ARL6IP6: variants seen among roughly 807,000 people sequenced by gnomAD.
The protein encoded by ARL6IP6 is ARF like GTPase 6 interacting protein 6.
Under a neutral mutation model 21.5 loss-of-function variants are expected in ARL6IP6, and 22 were observed. The observed-to-expected ratio is 1.02, with a 90% CI of 0.73 to 1.46. The LOEUF (loss-of-function observed/expected upper bound fraction) is 1.46, where lower values mean the gene tolerates loss of function less well. Among genes scored for constraint, ARL6IP6 ranks in the 40% most tolerant of loss-of-function variants. ARL6IP6 has a pLI of 0.00. For missense variants in ARL6IP6, 388 were observed against 299.8 expected (o/e 1.29, Z -2.17); for synonymous variants, 164 against 125.3 (o/e 1.31, Z -2.06).
At chr2:152,753,232 G>A (rs1406993130) in intron 3 of ARL6IP6, among the ~76,000 whole-genome samples, 3 of 152,120 alleles carry the variant, frequency 2.0e-5, no homozygotes, top group Non-Finnish European at 2.9e-5. Context: ...GCTGAATCTT[G>A]ATTACTTCTA....
At chr2:152,732,824 A>G (rs538818996) in intron 2 of ARL6IP6, among the ~76,000 whole-genome samples, 3 of 152,116 alleles carry the variant, frequency 2.0e-5, no homozygotes, top group South Asian at 4.2e-4. Flanking sequence ...TATAATGTAA[A>G]TGTTATGTAA....
At chr2:152,743,101 A>ATCTGTTCTTAACATC (rs1700892998) in intron 3 of ARL6IP6, among the ~76,000 whole-genome samples, 2 of 152,170 alleles carry the variant, frequency 1.3e-5, no homozygotes, top group African/African-American at 4.8e-5. Flanking sequence ...GCTAAATCAA[A>ATCTGTTCTTAACATC]AGACTTTCTC....
chr2:152,721,529 A>G lies in ARL6IP6; in HGVS notation c.454+943A>G, dbSNP rs553806738. Among the ~76,000 whole-genome samples, 3 of 152,356 alleles carry G rather than the reference A, an allele frequency of 2.0e-5. No individual in the cohort carries two copies. The South Asian group carries it at 6.2e-4, about 32-fold the overall frequency. On this transcript the variant is annotated intron_variant, in intron 2 of 3. Transcript: ENST00000326446. ...GAGTTGAAAACTTTACCTGTCCAGC[A>G]TATTTTACTCCTATTTGCTTTGATC...
intron 2 of ARL6IP6, among the ~76,000 whole-genome samples, chr2:152,721,775 T>A (rs1227743490): frequency 6.6e-6 from 1 of 152,218 alleles, no homozygotes; most frequent in Non-Finnish European, 1.5e-5. Context: ...CTAAGTATAG[T>A]GTACCTTATT....
intron 3 of ARL6IP6, among the ~76,000 whole-genome samples, chr2:152,750,637 C>G (rs914011262): frequency 1.2e-4 from 2 of 16,368 alleles, no homozygotes; most frequent in Admixed American, 8.7e-4. Flanking sequence ...CTTTTCTTTC[C>G]CTTTACACAA....
upstream of ARL6IP6, chr2:152,718,478 C>A: frequency 1.7e-6 from 2 of 1,203,412 alleles, no homozygotes; most frequent in Admixed American, 3.3e-5. Context: ...TCCTTTGCAA[C>A]CCGCCGCCCA....
At chr2:152,727,486 A>G (rs1351419355) in intron 2 of ARL6IP6, among the ~76,000 whole-genome samples, 1 of 152,176 alleles carries the variant, frequency 6.6e-6, no homozygotes, top group African/African-American at 2.4e-5. Flanking sequence ...ATTGTAGTGG[A>G]CAGTAGTGTC....
intron 3 of ARL6IP6, among the ~76,000 whole-genome samples, chr2:152,748,023 T>C (rs1440807725): frequency 6.6e-6 from 1 of 152,208 alleles, no homozygotes; most frequent in African/African-American, 2.4e-5. Context: ...CTATCTCCTG[T>C]ATGTAATTTA....
At chr2:152,731,691 A>T (rs1464270590) in intron 2 of ARL6IP6, among the ~76,000 whole-genome samples, 2 of 152,104 alleles carry the variant, frequency 1.3e-5, no homozygotes, top group African/African-American at 4.8e-5. Context: ...AAAAAGTGTA[A>T]AAGAGTATAG....
In ARL6IP6 at chr2:152,743,065, T is replaced by A. The variant is rs559994940; in HGVS notation, c.587+7939T>A. ...TAACAGGCACTCTGAGCTTTTGCTATGTGGCAGTTTTGCCCCCACAGTATT... is the reference window on the plus strand; with the variant it reads ...TAACAGGCACTCTGAGCTTTTGCTAAGTGGCAGTTTTGCCCCCACAGTATT... On this transcript the variant is annotated intron_variant, in intron 3 of 3. Transcript: ENST00000326446. 1.8e-4 allele frequency among the ~76,000 whole-genome samples: 28 copies of A among 152,196 alleles called. No individual in the cohort carries two copies. The South Asian group carries it at 5.8e-3, about 32-fold the overall frequency.
At chr2:152,721,396 C>T (rs569170436) in intron 2 of ARL6IP6, among the ~76,000 whole-genome samples, 2 of 151,584 alleles carry the variant, frequency 1.3e-5, no homozygotes, top group Admixed American at 6.6e-5. Flanking sequence ...AGGTAAATGA[C>T]TAGGAGAGTC....
chr2:152,758,757 C>T (rs16831743), intron 3 of ARL6IP6, among the ~76,000 whole-genome samples: 208 of 152,216 alleles, frequency 1.4e-3, no homozygotes, highest in African/African-American at 4.8e-3. Context: ...AGATATTGTG[C>T]GACTGGAATC....
At position 152,759,855 on chromosome 2, in the gene ARL6IP6, G is replaced by C. The variant is rs559707304; in HGVS notation, c.*15G>C. ...GCCTCATGTAAACCCACACTGGAGC[G>C]ATATTGTTGGCAAAACTTAATCATG... is the stretch of plus-strand genomic sequence containing the variant. On this transcript the variant is annotated 3_prime_UTR_variant, in exon 4 of 4. Transcript: ENST00000326446. 21 of 1,591,818 alleles carry C rather than the reference G, an allele frequency of 1.3e-5. No individual in the cohort carries two copies. Among genetic ancestry groups the C allele is most frequent in the Admixed American group, 1.7e-5 (1 of 59,872 alleles).
chr2:152,733,918 A>G (rs1700438264), intron 2 of ARL6IP6, among the ~76,000 whole-genome samples: 1 of 152,186 alleles, frequency 6.6e-6, no homozygotes, highest in South Asian at 2.1e-4. Flanking sequence ...TAACCAACAC[A>G]TAGTAGCCCC....
upstream of ARL6IP6, chr2:152,717,654 G>A (rs1023684370): frequency 1.3e-5 from 19 of 1,425,044 alleles, no homozygotes; most frequent in Admixed American, 2.9e-5. Flanking sequence ...GGAGGAGGAC[G>A]GAGGAAGTTT....
At chr2:152,736,680 T>C (rs1435145079) in intron 3 of ARL6IP6, among the ~76,000 whole-genome samples, 7 of 152,198 alleles carry the variant, frequency 4.6e-5, no homozygotes, top group Non-Finnish European at 7.3e-5. Flanking sequence ...TCTGTATCCA[T>C]GGGCTCCACA....
At chr2:152,737,951 C>T (rs1700626760) in intron 3 of ARL6IP6, among the ~76,000 whole-genome samples, 2 of 152,168 alleles carry the variant, frequency 1.3e-5, no homozygotes, top group African/African-American at 4.8e-5. Flanking sequence ...CAGGTCTCAT[C>T]TGAGACAAGG....
chr2:152,749,310 CAAAA>C (rs376016325), intron 3 of ARL6IP6, among the ~76,000 whole-genome samples: 1 of 80,306 alleles, frequency 1.2e-5, no homozygotes, highest in African/African-American at 4.7e-5. Flanking sequence ...AACACACACA[CAAAA>C]ACACACACAC....
At chr2:152,759,063 C>CA (rs1701713970) in intron 3 of ARL6IP6, among the ~76,000 whole-genome samples, 1 of 151,998 alleles carries the variant, frequency 6.6e-6, no homozygotes, top group Admixed American at 6.6e-5. Flanking sequence ...AGTATTATTG[C>CA]AATACAGTTA....
Sources: gnomAD v4.1 joint callset for allele counts (sites outside exome capture counted in the v4.1 genomes callset) on GRCh38, gnomAD v4.1.1 for gene constraint, MANE v1.5 for transcripts, NCBI Gene and HGNC (gene_info 2026-07-23, HGNC 2026-07-21) for gene names.